The following GPC6 variants were observed in gnomAD, a reference collection of about 807,000 sequenced individuals.
GPC6 encodes glypican-6.
In GPC6, 14 loss-of-function variants were observed where a neutral mutation model predicts 55.2. The ratio of observed to expected loss-of-function variants is 0.25; its 90% CI spans 0.17 to 0.40. The LOEUF is 0.40. Ranked by LOEUF, GPC6 falls within the 10% of genes least tolerant of loss-of-function variation. The pLI is 1.00. For missense variants in GPC6, 641 were observed against 708.5 expected, an observed-to-expected ratio of 0.90 and a Z score of 1.08; for synonymous variants, 278 against 259.6, an observed-to-expected ratio of 1.07 and a Z score of -0.68.
chr13:93,486,429 A>G (rs1879713848), intron 1 of GPC6, among the ~76,000 whole-genome samples: 1 of 152,212 alleles, frequency 6.6e-6, no homozygotes, highest in African/African-American at 2.4e-5. Flanking sequence ...TACTGTTAAC[A>G]GGTGATACAT....
chr13:94,272,792 T>C (rs1892087506), intron 4 of GPC6, among the ~76,000 whole-genome samples: 1 of 151,978 alleles, frequency 6.6e-6, no homozygotes, highest in Non-Finnish European at 1.5e-5. Flanking sequence ...TGATGATAGA[T>C]GGACTGATTG....
chr13:94,003,710 A>G (rs1178794241), intron 3 of GPC6, among the ~76,000 whole-genome samples: 2 of 152,162 alleles, frequency 1.3e-5, no homozygotes, highest in African/African-American at 4.8e-5. Context: ...CCACTTTACT[A>G]TTGATTGTAT....
At chr13:93,861,035 T>A (rs1418712465) in intron 3 of GPC6, among the ~76,000 whole-genome samples, 1 of 151,574 alleles carries the variant, frequency 6.6e-6, no homozygotes, top group South Asian at 2.1e-4. Context: ...AGGGTTTTTA[T>A]GTATAAAATG....
intron 1 of GPC6, among the ~76,000 whole-genome samples, chr13:93,454,876 A>G (rs549748827): frequency 4.6e-5 from 7 of 152,316 alleles, no homozygotes; most frequent in Non-Finnish European, 8.8e-5. Context: ...ACAGGAGCCC[A>G]TGGAGGGGGT....
rs73553767 is a variant in GPC6, at chr13:93,917,313, G to C, written c.711+86768G>C. On this transcript the variant is annotated intron_variant, in intron 3 of 8. Transcript: ENST00000377047. ...TTAGTCAGAAATTGAAAAGAAAAAA[G>C]TTAGAGACTATCTACAAAGCAACAT... 1.6e-3 allele frequency among the ~76,000 whole-genome samples: 248 copies of C among 151,886 alleles called. 1 individual carries two copies. The highest frequency in any genetic ancestry group is 5.7e-3 in the African/African-American group (235 of 41,460).
chr13:93,517,959 G>A (rs1199717987), intron 1 of GPC6, among the ~76,000 whole-genome samples: 1 of 103,376 alleles, frequency 9.7e-6, no homozygotes, highest in Admixed American at 1.3e-4. Flanking sequence ...ATTCAGGGAA[G>A]AAATTGCTTA....
chr13:94,300,632 G>A (rs1469232577), intron 5 of GPC6, among the ~76,000 whole-genome samples: 1 of 152,174 alleles, frequency 6.6e-6, no homozygotes, highest in Non-Finnish European at 1.5e-5. Flanking sequence ...TAGGTGGAAG[G>A]AGAATTGCTT....
intron 1 of GPC6, among the ~76,000 whole-genome samples, chr13:93,339,395 C>G (rs1296047806): frequency 8.0e-6 from 1 of 125,644 alleles, no homozygotes; most frequent in Admixed American, 7.8e-5. Context: ...AAAAAAAAAG[C>G]ACCACGTATA....
At chr13:94,382,672 A>G (rs966608609) in intron 7 of GPC6, 122 bp downstream of exon 7, 4 of 1,286,476 alleles carry the variant, frequency 3.1e-6, no homozygotes, top group South Asian at 1.2e-5. Context: ...GGGACAAGTC[A>G]TCACTTAGCA....
At chr13:93,419,777 T>C (rs909299377) in intron 1 of GPC6, among the ~76,000 whole-genome samples, 2 of 152,106 alleles carry the variant, frequency 1.3e-5, no homozygotes, top group Non-Finnish European at 2.9e-5. Context: ...GTTTATGAAC[T>C]TGTTAAGAAT....
chr13:93,498,184 G>A (rs752096976), intron 1 of GPC6, among the ~76,000 whole-genome samples: 3 of 152,152 alleles, frequency 2.0e-5, no homozygotes, highest in Non-Finnish European at 4.4e-5. Context: ...GTTCTTAGAA[G>A]CCACTAGACA....
At chr13:94,269,821 T>C (rs1379865614) in intron 4 of GPC6, among the ~76,000 whole-genome samples, 1 of 152,152 alleles carries the variant, frequency 6.6e-6, no homozygotes, top group Non-Finnish European at 1.5e-5. Context: ...ACCAAACTAG[T>C]CATAGATTCA....
intron 3 of GPC6, among the ~76,000 whole-genome samples, chr13:93,884,401 T>A (rs912832616): frequency 1.3e-5 from 2 of 152,124 alleles, no homozygotes; most frequent in African/African-American, 4.8e-5. Flanking sequence ...CTTCAAATCA[T>A]AGATATTTGT....
At chr13:93,489,556 T>G (rs1250930161) in intron 1 of GPC6, among the ~76,000 whole-genome samples, 2 of 151,422 alleles carry the variant, frequency 1.3e-5, no homozygotes, top group Non-Finnish European at 2.9e-5. Flanking sequence ...ATAAATTACC[T>G]TGGGCAGTAT....
intron 1 of GPC6, among the ~76,000 whole-genome samples, chr13:93,351,671 A>G (rs927512077): frequency 5.9e-5 from 9 of 152,190 alleles, no homozygotes; most frequent in Non-Finnish European, 2.9e-5. Context: ...ACTATATATT[A>G]TATGTATGGA....
chr13:93,965,328 A>G lies in GPC6; in HGVS notation c.712-62401A>G, dbSNP rs186524392. Among the ~76,000 whole-genome samples the G allele has an allele frequency of 7.0e-4, 107 of 151,922 alleles. 2 individuals are homozygous for G. The East Asian group carries it at 0.018, about 26-fold the overall frequency. ...CGGGAGGCTGAGGCAGGAGAATGGCATGAACCCGGGAGGTGGAGCTTTCAG... is the reference window on the plus strand; with the variant it reads ...CGGGAGGCTGAGGCAGGAGAATGGCGTGAACCCGGGAGGTGGAGCTTTCAG... On this transcript the variant is annotated intron_variant, in intron 3 of 8. Transcript: ENST00000377047.
At chr13:94,360,713 C>T (rs917788327) in intron 6 of GPC6, among the ~76,000 whole-genome samples, 1 of 152,100 alleles carries the variant, frequency 6.6e-6, no homozygotes, top group African/African-American at 2.4e-5. Flanking sequence ...TATCCTCCTC[C>T]CCCCAAATAT....
intron 4 of GPC6, among the ~76,000 whole-genome samples, chr13:94,109,071 T>A (rs1338405164): frequency 1.3e-5 from 2 of 152,186 alleles, no homozygotes; most frequent in East Asian, 3.9e-4. Context: ...CCTCTAAACA[T>A]CAAATGTAAA....
chr13:93,523,436 A>AT (rs1302567065), intron 1 of GPC6, among the ~76,000 whole-genome samples: 2 of 106,772 alleles, frequency 1.9e-5, no homozygotes, highest in African/African-American at 7.2e-5. Flanking sequence ...GGTGTATGAC[A>AT]TTTTACACAC....
Sources: allele counts gnomAD v4.1 joint callset (sites outside exome capture counted in the v4.1 genomes callset), GRCh38; gene constraint gnomAD v4.1.1; transcripts MANE v1.5; gene names NCBI Gene and HGNC (gene_info 2026-07-23, HGNC 2026-07-21).